SORCS1: variants seen among roughly 807,000 people sequenced by gnomAD.
SORCS1 encodes the protein VPS10 domain-containing receptor SorCS1.
SORCS1 carries 60 observed loss-of-function variants against 146.1 expected under a neutral mutation model. The ratio of observed to expected loss-of-function variants is 0.41; its 90% CI spans 0.33 to 0.51. The LOEUF is 0.51. SORCS1 is among the 20% of genes least tolerant of loss of function. SORCS1 has a pLI of 0.21. For missense variants in SORCS1, 1,352 were observed against 1,487.6 expected (o/e 0.91, Z 1.50); for synonymous variants, 637 against 584.0 (o/e 1.09, Z -1.31).
intron 18 of SORCS1, among the ~76,000 whole-genome samples, chr10:106,646,289 TAA>T (rs1158720473): frequency 6.6e-6 from 1 of 152,152 alleles, no homozygotes; most frequent in Non-Finnish European, 1.5e-5. Context: ...AGTATAATTA[TAA>T]AGAGATTTGT....
At chr10:106,959,361 C>T (rs1955115360) in intron 1 of SORCS1, among the ~76,000 whole-genome samples, 1 of 152,214 alleles carries the variant, frequency 6.6e-6, no homozygotes, top group Admixed American at 6.5e-5. Context: ...GGCACAACTG[C>T]TAACCTTTAG....
At chr10:107,028,509 T>C (rs1958504673) in intron 1 of SORCS1, among the ~76,000 whole-genome samples, 1 of 152,246 alleles carries the variant, frequency 6.6e-6, no homozygotes, top group South Asian at 2.1e-4. Context: ...AGTGAAACGC[T>C]GAGTGTAAAG....
At chr10:106,744,573 A>G (rs1329993990) in intron 5 of SORCS1, among the ~76,000 whole-genome samples, 1 of 152,206 alleles carries the variant, frequency 6.6e-6, no homozygotes, top group Admixed American at 6.5e-5. Flanking sequence ...GAGTGCTTAC[A>G]ATGTTTAGAA....
intron 17 of SORCS1, 21 bp from the exon 18 acceptor site, chr10:106,652,574 G>C: frequency 1.2e-6 from 2 of 1,607,848 alleles, no homozygotes; most frequent in Non-Finnish European, 8.5e-7. Context: ...AAAAGCTCAA[G>C]TCGTAAACCA....
Position 106,607,260 on chromosome 10 carries a change from A to G in SORCS1, c.3071T>C (p.Val1024Ala), listed in dbSNP as rs147930213. Residue 1024 changes from valine to alanine, a missense_variant, in exon 23 of 26, where the codon GTG becomes GCG. Transcript: ENST00000263054. The part of the protein sequence containing the change: ...GVPGQHILVA[V>A]LPGLPTTAEL... Reference sequence around the variant, plus strand: ...AGCAGTGGTGGGTAAGCCAGGGAGCACCGCCACCAGGATGTGCTGGCCTGG... The same window carrying G: ...AGCAGTGGTGGGTAAGCCAGGGAGCGCCGCCACCAGGATGTGCTGGCCTGG... 9 of 1,613,986 alleles carry G rather than the reference A, an allele frequency of 5.6e-6. No homozygotes were observed. Among genetic ancestry groups the G allele is most frequent in the East Asian group, 2.2e-5 (1 of 44,860 alleles).
intron 10 of SORCS1, 79 bp from the exon 11 acceptor site, chr10:106,679,813 CATCT>C (rs1852302254): frequency 1.8e-6 from 2 of 1,131,952 alleles, no homozygotes; most frequent in Non-Finnish European, 2.6e-6. Flanking sequence ...ATCATCCATC[CATCT>C]AACCAACCAT....
rs1235993851 is a variant in SORCS1, at chr10:106,946,147, A to C, written c.626+10366T>G. Reference sequence around the variant, plus strand: ...TAAGGCAGTAGGTTAAAAATTTAGGATAGAAACAAGTGTATGACATAGGCC... The same window carrying C: ...TAAGGCAGTAGGTTAAAAATTTAGGCTAGAAACAAGTGTATGACATAGGCC... On this transcript the variant is annotated intron_variant, in intron 2 of 25. Transcript: ENST00000263054. Among the ~76,000 whole-genome samples, 3 of 152,230 alleles carry C rather than the reference A, an allele frequency of 2.0e-5. No individual in the cohort carries two copies. In the East Asian group the frequency reaches 5.8e-4, roughly 29 times the overall value.
intron 8 of SORCS1, among the ~76,000 whole-genome samples, chr10:106,700,713 T>C (rs1854077182): frequency 6.6e-6 from 1 of 152,174 alleles, no homozygotes; most frequent in Admixed American, 6.5e-5. Context: ...TCTAGACGTG[T>C]AGGAACAAGA....
At chr10:107,166,401 G>A (rs945521942), upstream of SORCS1, among the ~76,000 whole-genome samples, 3 of 152,176 alleles carry the variant, frequency 2.0e-5, no homozygotes, top group Admixed American at 6.5e-5. Flanking sequence ...TACGACCAGC[G>A]CAGAAAAAGT....
intron 1 of SORCS1, among the ~76,000 whole-genome samples, chr10:106,962,394 CAA>C (rs60616146): frequency 3.2e-5 from 2 of 62,580 alleles, no homozygotes; most frequent in Non-Finnish European, 5.6e-5. Flanking sequence ...AACTCCATCT[CAA>C]AAAAAAAAAA....
intron 18 of SORCS1, among the ~76,000 whole-genome samples, chr10:106,649,678 T>G (rs1849715646): frequency 6.6e-6 from 1 of 152,202 alleles, no homozygotes; most frequent in African/African-American, 2.4e-5. Context: ...TTCTCAGCCC[T>G]GATCTTTTCA....
chr10:106,907,102 A>C (rs1951941578), intron 2 of SORCS1, among the ~76,000 whole-genome samples: 1 of 152,226 alleles, frequency 6.6e-6, no homozygotes, highest in Non-Finnish European at 1.5e-5. Flanking sequence ...ATGCATATTT[A>C]GTGCAACTGT....
intron 22 of SORCS1, among the ~76,000 whole-genome samples, chr10:106,610,080 G>A (rs1846873516): frequency 6.6e-6 from 1 of 152,162 alleles, no homozygotes. Flanking sequence ...TGGTAGTCGT[G>A]CCTCCTGGTG....
intron 17 of SORCS1, 119 bp downstream of exon 17, chr10:106,667,570 A>G: frequency 1.5e-6 from 1 of 651,444 alleles, no homozygotes; most frequent in Non-Finnish European, 2.7e-6. Context: ...AACAAAAGCA[A>G]TTACATTGTG....
At chr10:106,825,776 C>A (rs184757348) in intron 3 of SORCS1, among the ~76,000 whole-genome samples, 3 of 152,150 alleles carry the variant, frequency 2.0e-5, no homozygotes, top group African/African-American at 7.2e-5. Context: ...GACATCGTGA[C>A]AGATAGCCAG....
At chr10:106,895,117 G>A (rs1191368339) in intron 2 of SORCS1, among the ~76,000 whole-genome samples, 1 of 152,134 alleles carries the variant, frequency 6.6e-6, no homozygotes, top group Non-Finnish European at 1.5e-5. Flanking sequence ...AGACCTCACA[G>A]TTAGATGATT....
intron 21 of SORCS1, among the ~76,000 whole-genome samples, chr10:106,613,732 T>A (rs1326075833): frequency 6.6e-6 from 1 of 152,176 alleles, no homozygotes; most frequent in Non-Finnish European, 1.5e-5. Flanking sequence ...GCATTTAGTA[T>A]AAAATTTAGA....
At chr10:106,989,892 T>A (rs1956696108) in intron 1 of SORCS1, among the ~76,000 whole-genome samples, 1 of 151,934 alleles carries the variant, frequency 6.6e-6, no homozygotes, top group South Asian at 2.1e-4. Context: ...TTAACCATGT[T>A]AGCCAGGATG....
intron 14 of SORCS1, 120 bp from the exon 15 acceptor site, chr10:106,673,105 T>A: frequency 1.4e-6 from 1 of 721,542 alleles, no homozygotes; most frequent in Non-Finnish European, 2.2e-6. Context: ...TCATATCATT[T>A]AATCCTCAAA....
Sources: gnomAD v4.1 joint callset for allele counts (sites outside exome capture counted in the v4.1 genomes callset) on GRCh38, gnomAD v4.1.1 for gene constraint, MANE v1.5 for transcripts, NCBI Gene and HGNC (gene_info 2026-07-23, HGNC 2026-07-21) for gene names.